PLXNA4: variants seen among roughly 807,000 people sequenced by gnomAD.
The protein encoded by PLXNA4 is plexin A4, also known as plexin-A4.
PLXNA4 carries 44 observed loss-of-function variants against 191.8 expected under a neutral mutation model. That is an observed-to-expected ratio of 0.23 (90% CI 0.18 to 0.29). PLXNA4 has a LOEUF of 0.29. Ranked by LOEUF, PLXNA4 falls within the 10% of genes least tolerant of loss-of-function variation. PLXNA4 has a pLI of 1.00. For missense variants in PLXNA4, 1,800 were observed against 2,488.8 expected (o/e 0.72, Z 5.89); for synonymous variants, 1,082 against 1,009.5 (o/e 1.07, Z -1.36).
At chr7:132,416,280 A>G (rs1794658189) in intron 3 of PLXNA4, among the ~76,000 whole-genome samples, 1 of 152,210 alleles carries the variant, frequency 6.6e-6, no homozygotes, top group South Asian at 2.1e-4. Flanking sequence ...TGAAGAGCAA[A>G]GAGGAGAACC....
intron 3 of PLXNA4, among the ~76,000 whole-genome samples, chr7:132,348,828 T>A (rs1803358230): frequency 6.6e-6 from 1 of 152,162 alleles, no homozygotes; most frequent in Admixed American, 6.5e-5. Context: ...CCACCTCAGG[T>A]CCTAGGGGTA....
intron 4 of PLXNA4, among the ~76,000 whole-genome samples, chr7:132,285,430 A>G (rs1800648143): frequency 6.6e-6 from 1 of 152,220 alleles, no homozygotes; most frequent in African/African-American, 2.4e-5. Context: ...CTTTGTCTAA[A>G]TAAGTATTCA....
chr7:132,508,637 G>A lies in PLXNA4; in HGVS notation c.57C>T (p.Gly19=), dbSNP rs747128428. 1 of 1,600,106 alleles carries A rather than the reference G, an allele frequency of 6.2e-7. No individual in the cohort carries two copies. The highest frequency in any genetic ancestry group is 2.2e-5 in the East Asian group (1 of 44,530). Residue 19 remains glycine (G), a synonymous_variant, in exon 2 of 32, where the codon GGC becomes GGT. Coordinates refer to ENST00000321063, the MANE Select transcript of PLXNA4 (RefSeq NM_020911.2). This position sits in a 1 kb window ranked among gnomAD's most constrained non-coding sequence, Gnocchi z 4.4. Reference sequence around the variant, plus strand: ...GGGTGAGCAAAGTGGAGGAGCCCATGCCCACCATGAGGAGGTGGGAGAGAA... The same window carrying A: ...GGGTGAGCAAAGTGGAGGAGCCCATACCCACCATGAGGAGGTGGGAGAGAA... ...TCLLSHLLMV[G]MGSSTLLTRQ... is the part of the protein sequence containing the mutation.
intron 3 of PLXNA4, among the ~76,000 whole-genome samples, chr7:132,344,926 T>C (rs1456472329): frequency 6.6e-6 from 1 of 152,108 alleles, no homozygotes; most frequent in Non-Finnish European, 1.5e-5. Flanking sequence ...GGAATGAGGG[T>C]TGCTGTGGAC....
intron 4 of PLXNA4, among the ~76,000 whole-genome samples, chr7:132,260,901 A>G (rs1207081676): frequency 1.3e-5 from 2 of 152,144 alleles, no homozygotes; most frequent in Non-Finnish European, 2.9e-5. Context: ...TGATATGTCA[A>G]TGTAGGTTCA....
At chr7:132,609,402 C>G (rs546054351) in intron 2 of PLXNA4, among the ~76,000 whole-genome samples, 3 of 152,170 alleles carry the variant, frequency 2.0e-5, no homozygotes, top group Non-Finnish European at 4.4e-5. Flanking sequence ...CCTTCTTTCA[C>G]ATATGGCTAA....
At chr7:132,298,896 AT>A (rs1563020319) in intron 3 of PLXNA4, among the ~76,000 whole-genome samples, 16 of 152,384 alleles carry the variant, frequency 1.0e-4, no homozygotes, top group African/African-American at 1.7e-4. Context: ...ACTCAGCTGA[AT>A]AGATCATCCC....
At chr7:132,326,990 A>C (rs1802388005) in intron 3 of PLXNA4, among the ~76,000 whole-genome samples, 1 of 116,234 alleles carries the variant, frequency 8.6e-6, no homozygotes, top group South Asian at 2.9e-4. Flanking sequence ...GAAGGAAGCG[A>C]AGGAGGGAGG....
In PLXNA4 at chr7:132,194,175, C is replaced by A. The variant is rs755552115; in HGVS notation, c.2743G>T (p.Val915Leu). ...VDGYIPAEQI[V>L]CEMGEAKPSQ... ...GGCTTGGCCTCCCCCATCTCACACA[C>A]GATCCTGCAGGGAGGATAGGAGAAA... The change falls in exon 14 of 32, where the codon GTG becomes TTG. Residue 915 changes from valine (V) to leucine (L), a missense_variant. Transcript: ENST00000321063. 1.9e-6 allele frequency: 3 copies of A among 1,613,008 alleles called. No individual in the cohort carries two copies. The highest frequency in any genetic ancestry group is 2.5e-6 in the Non-Finnish European group (3 of 1,179,384).
chr7:132,470,265 G>A (rs1304089756), intron 3 of PLXNA4, among the ~76,000 whole-genome samples: 4 of 152,292 alleles, frequency 2.6e-5, no homozygotes, highest in Admixed American at 1.3e-4. Flanking sequence ...CAGAAACAAG[G>A]GGGGGCCTGT....
At chr7:132,450,181 A>T (rs915273002) in intron 3 of PLXNA4, among the ~76,000 whole-genome samples, 7 of 152,190 alleles carry the variant, frequency 4.6e-5, no homozygotes, top group Non-Finnish European at 1.0e-4. Flanking sequence ...GAGAGATGGG[A>T]TCGGGATGTA....
chr7:132,130,886 C>T (rs1258269874), intron 31 of PLXNA4, among the ~76,000 whole-genome samples: 1 of 152,164 alleles, frequency 6.6e-6, no homozygotes, highest in Non-Finnish European at 1.5e-5. Flanking sequence ...GCTGAAAGTG[C>T]CTGTGCCGAG....
At chr7:132,429,598 T>C (rs1344482544) in intron 3 of PLXNA4, among the ~76,000 whole-genome samples, 1 of 152,218 alleles carries the variant, frequency 6.6e-6, no homozygotes, top group African/African-American at 2.4e-5. Context: ...CTTTTGATTT[T>C]TTTCAACCAT....
At chr7:132,273,712 C>T (rs926843649) in intron 4 of PLXNA4, among the ~76,000 whole-genome samples, 1 of 152,060 alleles carries the variant, frequency 6.6e-6, no homozygotes, top group Non-Finnish European at 1.5e-5. Context: ...AGCTTGTTTC[C>T]CCCCATTTAT....
chr7:132,611,823 A>G (rs941352099), intron 2 of PLXNA4, among the ~76,000 whole-genome samples: 1 of 152,198 alleles, frequency 6.6e-6, no homozygotes, highest in African/African-American at 2.4e-5. Context: ...ATGCAGCTGC[A>G]TATTATGAGC....
intron 15 of PLXNA4, among the ~76,000 whole-genome samples, chr7:132,186,511 C>T (rs1231674917): frequency 6.6e-6 from 1 of 152,180 alleles, no homozygotes; most frequent in African/African-American, 2.4e-5. Flanking sequence ...GGAGGGCTGA[C>T]AGGTCTCCAG....
rs529348640 is a variant in PLXNA4 at position 132,552,086 on chromosome 7, G to A, written c.-87+24336C>T. Reference sequence around the variant, plus strand: ...CTGCACATGCAGCCAAGATGCAGCCGAAGTTGACAGTAGATGGAAAGCTAA... The same window carrying A: ...CTGCACATGCAGCCAAGATGCAGCCAAAGTTGACAGTAGATGGAAAGCTAA... On this transcript the variant is annotated intron_variant, in intron 1 of 31. Coordinates refer to ENST00000321063, the MANE Select transcript of PLXNA4 (RefSeq NM_020911.2). Among the ~76,000 whole-genome samples the A allele has an allele frequency of 6.6e-5, 10 of 152,288 alleles. No homozygotes were observed. The South Asian group carries it at 1.2e-3, about 19-fold the overall frequency.
chr7:132,316,459 G>A (rs1172232280), intron 3 of PLXNA4, among the ~76,000 whole-genome samples: 2 of 152,194 alleles, frequency 1.3e-5, no homozygotes, highest in Admixed American at 6.5e-5. Context: ...ATGGGATAGA[G>A]ACCCTAAACT....
At chr7:132,584,720 C>G (rs887326116) in intron 2 of PLXNA4, among the ~76,000 whole-genome samples, 1 of 152,134 alleles carries the variant, frequency 6.6e-6, no homozygotes, top group Admixed American at 6.6e-5. Context: ...CAGCAGAAAC[C>G]TGAGTGAGAA....
Sources: gnomAD v4.1 joint callset for allele counts (sites outside exome capture counted in the v4.1 genomes callset) on GRCh38, gnomAD v4.1.1 for gene constraint, Gnocchi (gnomAD v3.1) non-coding constraint, MANE v1.5 for transcripts, NCBI Gene and HGNC (gene_info 2026-07-23, HGNC 2026-07-21) for gene names.